Variants in ILDR2 observed in about 807,000 individuals in gnomAD.
ILDR2 encodes the protein immunoglobulin-like domain-containing receptor 2.
Under a neutral mutation model 66.8 loss-of-function variants are expected in ILDR2, and 25 were observed. The ratio of observed to expected loss-of-function variants is 0.37; its 90% CI spans 0.27 to 0.52. The LOEUF (loss-of-function observed/expected upper bound fraction) is 0.52. Among genes scored for constraint, ILDR2 ranks in the 20% least tolerant of loss-of-function variants. The probability of loss-of-function intolerance (pLI) is 0.88; values close to 1 mark genes in which losing one functional copy is unlikely to be tolerated. For synonymous variants in ILDR2, 367 were observed against 357.2 expected, an observed-to-expected ratio of 1.03 and a Z score of -0.31; for missense variants, 827 against 876.8, an observed-to-expected ratio of 0.94 and a Z score of 0.72.
chr1:166,946,933 T>TA (rs1303952765), intron 3 of ILDR2, among the ~76,000 whole-genome samples: 3 of 152,188 alleles, frequency 2.0e-5, no homozygotes, highest in Non-Finnish European at 2.9e-5. Context: ...CAGCACCTTT[T>TA]AAAGTTGCAA....
At chr1:166,952,656 G>A (rs1485651681) in intron 3 of ILDR2, among the ~76,000 whole-genome samples, 1 of 152,178 alleles carries the variant, frequency 6.6e-6, no homozygotes, top group Non-Finnish European at 1.5e-5. Context: ...TGCCTTTGAA[G>A]TTAGAGCTTC....
At position 166,908,467 on chromosome 1, in the gene ILDR2, T is replaced by A. The variant is rs1452947631; in HGVS notation, c.*10888A>T. The A allele has an allele frequency of 6.6e-6, 1 of 152,146 alleles. No individual in the cohort carries two copies. Among genetic ancestry groups the A allele is most frequent in the Non-Finnish European group, 1.5e-5 (1 of 68,020 alleles). The allele number at this position is 152,146 out of a possible 1,614,324, so 9.4% of individuals were successfully genotyped here. On this transcript the variant is annotated 3_prime_UTR_variant, in exon 10 of 10. Transcript: ENST00000271417. ...TCACATTAGGATTAGGATTTTGACA[T>A]AAAAATTTGGGGAAGACACAAAACA...
chr1:166,914,728 G>A lies in ILDR2; in HGVS notation c.*4627C>T, dbSNP rs1419709591. The stretch of plus-strand genomic sequence containing the variant: ...ATAGATCAATTCCCCAGATGACTAG[G>A]GGGTAGGATAATGGCAGAAAAAAGC... On this transcript the variant is annotated 3_prime_UTR_variant, in exon 10 of 10. Transcript: ENST00000271417. The A allele has an allele frequency of 1.3e-5, 2 of 152,202 alleles. No homozygotes were observed. The highest frequency in any genetic ancestry group is 1.5e-5 in the Non-Finnish European group (1 of 68,044). The allele number at this position is 152,202 out of a possible 1,614,324, so 9.4% of individuals were successfully genotyped here.
intron 1 of ILDR2, among the ~76,000 whole-genome samples, chr1:166,970,586 A>G (rs1177712882): frequency 6.6e-6 from 1 of 152,226 alleles, no homozygotes; most frequent in Non-Finnish European, 1.5e-5. Flanking sequence ...CTCAGCTCCC[A>G]GGTCAGGGCT....
chr1:166,902,699 C>T (rs1257131435), intron 2 of ILDR2, among the ~76,000 whole-genome samples: 2 of 152,206 alleles, frequency 1.3e-5, no homozygotes, highest in Admixed American at 6.5e-5. Flanking sequence ...ACTTTTGGAA[C>T]AACCAATTAT....
rs745325994 is a variant in ILDR2, at chr1:166,958,014, G to A, written c.134C>T (p.Ser45Leu). ...FQPTVLRCHF[S>L]TSSHQPAVVQ... The stretch of plus-strand genomic sequence containing the variant: ...AACTGCAGGCTGATGGGAGGATGTT[G>A]AGAAGTGGCAGCGAAGCACAGTGGG... The change falls in exon 2 of 10, where the codon TCA becomes TTA. Residue 45 changes from serine (S) to leucine (L), a missense_variant. Physicochemically the swap from Ser to Leu is moderately radical, Grantham distance 145 (BLOSUM62 -2). Coordinates refer to ENST00000271417, the MANE Select transcript of ILDR2 (RefSeq NM_199351.3). The A allele has an allele frequency of 6.2e-7, 1 of 1,614,180 alleles. No individual in the cohort carries two copies. The highest frequency in any genetic ancestry group is 8.5e-7 in the Non-Finnish European group (1 of 1,180,034).
chr1:166,906,277 CA>C (rs1659348150), downstream of ILDR2, among the ~76,000 whole-genome samples: 1 of 152,172 alleles, frequency 6.6e-6, no homozygotes, highest in South Asian at 2.1e-4. Flanking sequence ...GGCAACCAGA[CA>C]CAAAAATAGA....
Position 166,909,760 on chromosome 1 carries a change from AAT to A in ILDR2, c.*9593_*9594del, listed in dbSNP as rs1392240246. The A allele has an allele frequency of 1.1e-4, 7 of 62,768 alleles. No homozygotes were observed. The South Asian group carries it at 4.6e-3, about 41-fold the overall frequency. The allele number at this position is 62,768 out of a possible 1,614,324, so 3.9% of individuals were successfully genotyped here. A position where few individuals can be genotyped will look rare whatever the true frequency, so the allele number is the denominator to read the frequency against. The stretch of plus-strand genomic sequence containing the variant: ...ACATATATATATATATATATATATA[AAT>A]ATATATAAATATATATATTTATATA... On this transcript the variant is annotated 3_prime_UTR_variant, in exon 10 of 10. Coordinates refer to ENST00000271417, the MANE Select transcript of ILDR2 (RefSeq NM_199351.3).
chr1:166,956,801 T>A lies in ILDR2; in HGVS notation c.431A>T (p.Tyr144Phe). The change falls in exon 3 of 10, where the codon TAC (tyrosine) becomes TTC (phenylalanine). Residue 144 changes from tyrosine to phenylalanine, a missense_variant. Around this residue, in one of 2 missense-constraint regions of ILDR2, gnomAD observed 437 missense variants for 523.2 expected, o/e 0.84. Transcript: ENST00000271417. The part of the protein sequence containing the change: ...KLMWGDSGLY[Y>F]CIITTPDDLE... ...GTCATCTGGGGTGGTGATAATACAG[T>A]AATAGAGTCCGCTGTCTCCCCACAT... 1 of 1,614,028 alleles carries A rather than the reference T, an allele frequency of 6.2e-7. No individual in the cohort carries two copies. Among genetic ancestry groups the A allele is most frequent in the Non-Finnish European group, 8.5e-7 (1 of 1,179,920 alleles).
intron 6 of ILDR2, among the ~76,000 whole-genome samples, chr1:166,935,092 G>A (rs1660865520): frequency 6.6e-6 from 1 of 152,216 alleles, no homozygotes; most frequent in African/African-American, 2.4e-5. Flanking sequence ...GGAGTCTAGG[G>A]AGGAGGCAGG....
chr1:166,906,483 A>G (rs1403319885), downstream of ILDR2, among the ~76,000 whole-genome samples: 2 of 152,246 alleles, frequency 1.3e-5, no homozygotes, highest in Non-Finnish European at 2.9e-5. Flanking sequence ...GAACAGAGGT[A>G]TAGAACAACA....
Position 166,921,454 on chromosome 1 carries a change from A to C in ILDR2, c.1212-75T>G. The C allele has an allele frequency of 7.7e-7, 1 of 1,294,340 alleles. No homozygotes were observed. Among genetic ancestry groups the C allele is most frequent in the Non-Finnish European group, 1.0e-6 (1 of 955,388 alleles). 80.2% of individuals were successfully genotyped at this position (1,294,340 alleles called of 1,614,324 possible). The stretch of plus-strand genomic sequence containing the variant: ...CCAGGTAGGGCTCCCAAGAGCACCC[A>C]TCGTGTCCTGGGGCCACGCTCAGGA... On this transcript the variant is annotated intron_variant, in intron 8 of 9. Coordinates refer to ENST00000271417, the MANE Select transcript of ILDR2 (RefSeq NM_199351.3). This position sits in a 1 kb window ranked among gnomAD's most constrained non-coding sequence, Gnocchi z 5.3.
At position 166,921,593 on chromosome 1, in the gene ILDR2, C is replaced by G. The variant is rs1305973547; in HGVS notation, c.1212-214G>C. On this transcript the variant is annotated intron_variant, in intron 8 of 9. Coordinates refer to ENST00000271417, the MANE Select transcript of ILDR2 (RefSeq NM_199351.3). This position sits in a 1 kb window ranked among gnomAD's most constrained non-coding sequence, Gnocchi z 5.3. ...GAGTCTATTCCACTCGTGTGCCACGCATCAAAATGGGGTTGTGTGGATAGA... is the reference window on the plus strand; with the variant it reads ...GAGTCTATTCCACTCGTGTGCCACGGATCAAAATGGGGTTGTGTGGATAGA... Among the ~76,000 whole-genome samples, 3 of 152,208 alleles carry G rather than the reference C, an allele frequency of 2.0e-5. No homozygotes were observed. Among genetic ancestry groups the G allele is most frequent in the African/African-American group, 7.2e-5 (3 of 41,446 alleles).
At chr1:166,902,407 C>T (rs151318974) in intron 2 of ILDR2, among the ~76,000 whole-genome samples, 2 of 152,352 alleles carry the variant, frequency 1.3e-5, no homozygotes, top group East Asian at 3.9e-4. Flanking sequence ...AGCAGTAACT[C>T]CAGGCCTATT....
intron 4 of ILDR2, among the ~76,000 whole-genome samples, chr1:166,937,655 T>G (rs1661062731): frequency 1.3e-5 from 2 of 152,222 alleles, no homozygotes; most frequent in Non-Finnish European, 2.9e-5. Flanking sequence ...GCGAGTGGCT[T>G]AGATAAAAAT....
intron 1 of ILDR2, among the ~76,000 whole-genome samples, chr1:166,972,142 G>A (rs1663335513): frequency 1.3e-5 from 2 of 152,000 alleles, no homozygotes; most frequent in African/African-American, 2.4e-5. Flanking sequence ...AACCCAGGAG[G>A]CAGAGGTTGC....
rs1262667428 is a variant in ILDR2 at position 166,914,047 on chromosome 1, G to C, written c.*5308C>G. 1 of 151,274 alleles carries C rather than the reference G, an allele frequency of 6.6e-6. No individual in the cohort carries two copies. Among genetic ancestry groups the C allele is most frequent in the East Asian group, 2.0e-4 (1 of 5,120 alleles). The allele number at this position is 151,274 out of a possible 1,614,324, so 9.4% of individuals were successfully genotyped here. A position where few individuals can be genotyped will look rare whatever the true frequency, so the allele number is the denominator to read the frequency against. The stretch of plus-strand genomic sequence containing the variant: ...GGAGGATTGCTTGAGCTAGGAGTTT[G>C]AGACTGCAGTGAGCTGATAGCACCA... On this transcript the variant is annotated 3_prime_UTR_variant, in exon 10 of 10. Transcript: ENST00000271417.
At chr1:166,943,479 G>C (rs1475808555) in intron 3 of ILDR2, among the ~76,000 whole-genome samples, 1 of 115,048 alleles carries the variant, frequency 8.7e-6, no homozygotes, top group African/African-American at 3.4e-5. Flanking sequence ...GCGACAGAGC[G>C]AGACTCCGTC....
chr1:166,927,252 A>G (rs561087936), intron 6 of ILDR2, 72 bp from the exon 7 acceptor site: 4 of 933,754 alleles, frequency 4.3e-6, no homozygotes, highest in African/African-American at 3.3e-5. Context: ...CATTTATTTT[A>G]CCAAGTAGAA....
Sources: allele counts gnomAD v4.1 joint callset (sites outside exome capture counted in the v4.1 genomes callset), GRCh38; gene constraint gnomAD v4.1.1; regional missense constraint gnomAD v4.1.1; non-coding constraint Gnocchi (gnomAD v3.1); transcripts MANE v1.5; gene names NCBI Gene and HGNC (gene_info 2026-07-23, HGNC 2026-07-21).